Variants in STON2 observed in about 807,000 individuals in gnomAD.
STON2 encodes the protein stonin 2.
In STON2, 29 loss-of-function variants were observed where a neutral mutation model predicts 65.7. The ratio of observed to expected loss-of-function variants is 0.44; its 90% confidence interval spans 0.33 to 0.60. The LOEUF is 0.60. Among genes scored for constraint, STON2 ranks in the 20% least tolerant of loss-of-function variants. The probability of loss-of-function intolerance (pLI) is 0.03; values close to 1 mark genes in which losing one functional copy is unlikely to be tolerated. For synonymous variants in STON2, 404 were observed against 414.2 expected (o/e 0.98, Z 0.30); for missense variants, 1,054 against 1,118.1 (o/e 0.94, Z 0.82).
At chr14:81,289,278 G>C (rs144191478) in intron 5 of STON2, among the ~76,000 whole-genome samples, 1 of 152,180 alleles carries the variant, frequency 6.6e-6, no homozygotes, top group Non-Finnish European at 1.5e-5. Context: ...GAGCAAGTAA[G>C]ATCAGTTTCA....
At chr14:81,344,606 C>T (rs1478751326) in intron 4 of STON2, among the ~76,000 whole-genome samples, 1 of 152,148 alleles carries the variant, frequency 6.6e-6, no homozygotes, top group African/African-American at 2.4e-5. Context: ...GTACTGTACA[C>T]ACAGCCACAT....
chr14:81,400,030 C>A (rs944891948), intron 1 of STON2, among the ~76,000 whole-genome samples: 4 of 152,182 alleles, frequency 2.6e-5, no homozygotes, highest in Admixed American at 2.6e-4. Context: ...CAAAGAAGTA[C>A]AACAGAATAC....
chr14:81,400,670 A>ATC (rs748056720), upstream of STON2, among the ~76,000 whole-genome samples: 142 of 152,162 alleles, frequency 9.3e-4, no homozygotes, highest in Non-Finnish European at 1.8e-3. Flanking sequence ...TTTAAACTGA[A>ATC]AGGTTTTAAA....
chr14:81,425,298 G>A (rs757133235), intron 2 of STON2, among the ~76,000 whole-genome samples: 12 of 152,156 alleles, frequency 7.9e-5, no homozygotes, highest in Non-Finnish European at 1.6e-4. Flanking sequence ...GACTGAGCTT[G>A]GTGGCTCATG....
intron 4 of STON2, among the ~76,000 whole-genome samples, chr14:81,328,096 A>G (rs926357934): frequency 4.6e-5 from 7 of 152,192 alleles, no homozygotes; most frequent in Admixed American, 3.9e-4. Flanking sequence ...TAGATACTCA[A>G]TAAGTTGTAG....
In STON2 at chr14:81,264,645, C is replaced by G; in HGVS notation, c.*3769G>C. The G allele has an allele frequency of 2.0e-6, 2 of 984,814 alleles. No individual in the cohort carries two copies. Among genetic ancestry groups the G allele is most frequent in the Non-Finnish European group, 2.4e-6 (2 of 829,416 alleles). The allele number at this position is 984,814 out of a possible 1,614,324, so 61.0% of individuals were successfully genotyped here. A position where few individuals can be genotyped will look rare whatever the true frequency, so the allele number is the denominator to read the frequency against. ...CCACTGGATTTGAATAGAAATCAGT[C>G]TCATTTCAAATAAAAAATATTTTAA... On this transcript the variant is annotated 3_prime_UTR_variant, in exon 8 of 8. Coordinates refer to ENST00000614646, the MANE Select transcript of STON2 (RefSeq NM_001394390.1).
chr14:81,332,296 T>C (rs1363833184), intron 4 of STON2, among the ~76,000 whole-genome samples: 1 of 152,226 alleles, frequency 6.6e-6, no homozygotes, highest in Admixed American at 6.5e-5. Context: ...TTGGGATGAT[T>C]CTGAAAGAAG....
At chr14:81,386,979 G>A (rs1043304578) in intron 3 of STON2, among the ~76,000 whole-genome samples, 3 of 152,116 alleles carry the variant, frequency 2.0e-5, no homozygotes, top group African/African-American at 7.2e-5. Flanking sequence ...GGTACCTGGT[G>A]GAATTTTAAA....
chr14:81,304,317 T>C (rs1595321429), intron 5 of STON2, among the ~76,000 whole-genome samples: 1 of 152,222 alleles, frequency 6.6e-6, no homozygotes, highest in Non-Finnish European at 1.5e-5. Flanking sequence ...GATTATCTCC[T>C]TTGATCCTTT....
At chr14:81,284,122 C>T (rs1360298001) in intron 5 of STON2, among the ~76,000 whole-genome samples, 5 of 152,220 alleles carry the variant, frequency 3.3e-5, no homozygotes, top group African/African-American at 1.2e-4. Flanking sequence ...CTCTCTCTCT[C>T]TCTTCTTCAG....
intron 2 of STON2, among the ~76,000 whole-genome samples, chr14:81,416,274 G>T (rs1901427406): frequency 6.6e-6 from 1 of 152,152 alleles, no homozygotes; most frequent in Non-Finnish European, 1.5e-5. Flanking sequence ...TAAAGATTGG[G>T]AGGAGTTAGC....
At chr14:81,292,903 A>C (rs1380580132) in intron 5 of STON2, among the ~76,000 whole-genome samples, 1 of 152,244 alleles carries the variant, frequency 6.6e-6, no homozygotes, top group Non-Finnish European at 1.5e-5. Flanking sequence ...CAATACAGAG[A>C]GAAGGAATAT....
At chr14:81,328,357 G>A (rs1440166958) in intron 4 of STON2, among the ~76,000 whole-genome samples, 2 of 152,152 alleles carry the variant, frequency 1.3e-5, no homozygotes, top group African/African-American at 4.8e-5. Context: ...ATGGAAAAGG[G>A]CATGATTTGC....
rs182581824 is a variant in STON2, at chr14:81,340,073, A to G, written c.572-15886T>C. On this transcript the variant is annotated intron_variant, in intron 4 of 7. Transcript: ENST00000614646. The stretch of plus-strand genomic sequence containing the variant: ...GGAGGCTGAGGCAGGAGAATGGCAT[A>G]AACCCGGGGGATGGAGCCTGCAGTA... 1.6e-3 allele frequency among the ~76,000 whole-genome samples: 250 copies of G among 152,258 alleles called. 1 individual carries two copies. The highest frequency in any genetic ancestry group is 3.1e-3 in the Admixed American group (48 of 15,286).
intron 2 of STON2, among the ~76,000 whole-genome samples, chr14:81,410,344 G>T (rs1489276662): frequency 8.0e-6 from 1 of 124,470 alleles, no homozygotes; most frequent in Non-Finnish European, 1.6e-5. Flanking sequence ...ATCCTAAAAT[G>T]ACCCCATTAT....
intron 4 of STON2, among the ~76,000 whole-genome samples, chr14:81,339,934 C>G (rs772134901): frequency 2.3e-4 from 35 of 151,994 alleles, no homozygotes; most frequent in Non-Finnish European, 2.6e-4. Context: ...GCAGGTAGAT[C>G]ACGAGGTCAG....
At chr14:81,407,564 C>T (rs1257527658) in intron 2 of STON2, among the ~76,000 whole-genome samples, 1 of 152,172 alleles carries the variant, frequency 6.6e-6, no homozygotes, top group Non-Finnish European at 1.5e-5. Context: ...ATCGCCACAT[C>T]CACTTTTTGG....
chr14:81,350,615 T>C (rs1163130825), intron 4 of STON2, among the ~76,000 whole-genome samples: 1 of 152,154 alleles, frequency 6.6e-6, no homozygotes, highest in Non-Finnish European at 1.5e-5. Context: ...CTGCTCCTAA[T>C]ACTTCTAGGC....
At chr14:81,380,263 G>A (rs1899450059) in intron 3 of STON2, among the ~76,000 whole-genome samples, 1 of 152,116 alleles carries the variant, frequency 6.6e-6, no homozygotes, top group Admixed American at 6.6e-5. Context: ...AATCATTAGG[G>A]GAATGCAAAT....
Sources: allele counts gnomAD v4.1 joint callset (sites outside exome capture counted in the v4.1 genomes callset), GRCh38; gene constraint gnomAD v4.1.1; transcripts MANE v1.5; gene names NCBI Gene and HGNC (gene_info 2026-07-23, HGNC 2026-07-21).